TAAR9: variants seen among roughly 807,000 people sequenced by gnomAD.
TAAR9 encodes trace amine associated receptor 9, also known as trace amine-associated receptor 9.
For synonymous variants in TAAR9, 162 were observed against 152.6 expected (o/e 1.06, Z -0.45); for missense variants, 453 against 409.4 (o/e 1.11, Z -0.92).
chr6:132,538,479 C>T, exon 1 of TAAR9: 1 of 1,613,104 alleles, frequency 6.2e-7, no homozygotes, highest in Non-Finnish European at 8.5e-7. Context: ...CAAACAACTG[C>T]ACACACCTAC....
At chr6:132,538,628 A>C in exon 1 of TAAR9, 1 of 1,593,192 alleles carries the variant, frequency 6.3e-7, no homozygotes, top group East Asian at 2.2e-5. Flanking sequence ...GTTTTGACAC[A>C]TCCTTCTGTT....
At chr6:132,538,559 A>G in exon 1 of TAAR9, 1 of 1,599,046 alleles carries the variant, frequency 6.3e-7, no homozygotes, top group East Asian at 2.2e-5. Flanking sequence ...CCTTCAGCAC[A>G]GTGAGGTCTG....
At chr6:132,539,270 C>G (rs764199572) in exon 1 of TAAR9, 1 of 1,612,798 alleles carries the variant, frequency 6.2e-7, no homozygotes, top group Non-Finnish European at 8.5e-7. Flanking sequence ...TTATTGTAAG[C>G]GGCAAGGTCT....
At chr6:132,538,347 G>A (rs779965812) in exon 1 of TAAR9, 14 of 1,613,262 alleles carry the variant, frequency 8.7e-6, no homozygotes, top group Non-Finnish European at 1.2e-5. Flanking sequence ...GAACGTGAAC[G>A]AATCCTGCAT....
At chr6:132,538,579 G>T (rs1776252709) in exon 1 of TAAR9, 1 of 1,590,556 alleles carries the variant, frequency 6.3e-7, no homozygotes, top group Admixed American at 1.7e-5. Context: ...GTGGAGAGCT[G>T]TTGGTACTTT....
exon 1 of TAAR9, chr6:132,538,848 G>A: frequency 6.2e-7 from 1 of 1,613,694 alleles, no homozygotes; most frequent in Non-Finnish European, 8.5e-7. Context: ...TCTAACCTGT[G>A]TAGGAGGCTG....
rs765285152 is a variant in TAAR9, at chr6:132,538,517, T to G, written c.228T>G (p.Cys76Trp). The change falls in exon 1 of 1, where the codon TGT becomes TGG. Residue 76 changes from cysteine to tryptophan, a missense_variant. Transcript: ENST00000434551. ...ACTTTCTGATTGCGTCGCTGGCCTG[T>G]GCTGACTTCTTGGTGGGAGTCACTG... 3 of 1,612,864 alleles carry G rather than the reference T, an allele frequency of 1.9e-6. No homozygotes were observed. The Admixed American group carries it at 5.0e-5, about 27-fold the overall frequency.
In TAAR9 at chr6:132,538,394, C is replaced by T. The variant is rs572707893; in HGVS notation, c.105C>T (p.Leu35=). Residue 35 remains leucine, a synonymous_variant, in exon 1 of 1, where the codon CTC becomes CTT. Coordinates refer to ENST00000434551, the Ensembl canonical transcript of TAAR9. The stretch of plus-strand genomic sequence containing the variant: ...ACTCGCCAGGTCCTCGATCTATCCT[C>T]TACGCCGTCCTTGGTTTTGGGGCTG... The T allele has an allele frequency of 8.1e-6, 13 of 1,613,834 alleles. No homozygotes were observed. In the South Asian group the frequency reaches 1.4e-4, roughly 18 times the overall value.
At position 132,538,672 on chromosome 6, in the gene TAAR9, T is replaced by C. The variant is rs750126924; in HGVS notation, c.383T>C (p.Val128Ala). 1.4e-5 allele frequency: 22 copies of C among 1,611,248 alleles called. No homozygotes were observed. Among genetic ancestry groups the C allele is most frequent in the East Asian group, 1.3e-4 (6 of 44,880 alleles). The change falls in exon 1 of 1, where the codon GTT (valine) becomes GCT (alanine). Residue 128 changes from valine (V) to alanine (A), a missense_variant. Physicochemically the swap from Val to Ala is moderately conservative, Grantham distance 64 (BLOSUM62 0). Transcript: ENST00000434551. The stretch of plus-strand genomic sequence containing the variant: ...TTATTTCATTTATGCTGTATCTCTG[T>C]TGATAGATACATTGCTGTTACTGAT...
At position 132,538,778 on chromosome 6, in the gene TAAR9, C is replaced by A. The variant is rs756539303; in HGVS notation, c.489C>A (p.Tyr163Ter). Residue 163 changes from tyrosine to a stop codon, truncating the protein, a stop_gained, in exon 1 of 1, where the codon TAC becomes TAA. Transcript: ENST00000434551. LOFTEE classifies it low-confidence loss of function (END_TRUNC). ...TTTCCTGGTTCTTTTCTGTCACATA[C>A]AGCTTTTCGATCTTTTACACGGGAG... is the stretch of plus-strand genomic sequence containing the variant. 2.2e-5 allele frequency: 36 copies of A among 1,613,842 alleles called. No homozygotes were observed. The highest frequency in any genetic ancestry group is 3.1e-5 in the Non-Finnish European group (36 of 1,179,850).
chr6:132,539,168 T>C (rs748070048), exon 1 of TAAR9: 15 of 1,585,994 alleles, frequency 9.5e-6, no homozygotes, highest in Non-Finnish European at 1.3e-5. Flanking sequence ...CTTATGTTTA[T>C]GAGATTTTAG....
In TAAR9 at chr6:132,538,996, G is replaced by A. The variant is rs755209276; in HGVS notation, c.707G>A (p.Ser236Asn). Residue 236 changes from serine (S) to asparagine (N), a missense_variant, in exon 1 of 1, where the codon AGC becomes AAC. Ser to Asn is a conservative substitution (Grantham distance 46). Coordinates refer to ENST00000434551, the Ensembl canonical transcript of TAAR9. ...GCTAGGAAGATAGAAAGTACAGCCA[G>A]CCAAGCTCAGTCCTCCTCAGAGAGT... is the stretch of plus-strand genomic sequence containing the variant. 4.6e-6 allele frequency: 7 copies of A among 1,532,878 alleles called. No individual in the cohort carries two copies. In the East Asian group the frequency reaches 1.6e-4, roughly 35 times the overall value. The allele number at this position is 1,532,878 out of a possible 1,614,324, so 95.0% of individuals were successfully genotyped here.
exon 1 of TAAR9, chr6:132,538,359 A>G (rs1213581035): frequency 1.9e-6 from 3 of 1,613,632 alleles, no homozygotes; most frequent in South Asian, 1.1e-5. Flanking sequence ...ATCCTGCATT[A>G]AAACTCCTTA....
chr6:132,538,956 G>A, exon 1 of TAAR9: 1 of 1,551,024 alleles, frequency 6.4e-7, no homozygotes, highest in South Asian at 1.3e-5. Context: ...GATATTTTTG[G>A]TGGCCAAGCA....
exon 1 of TAAR9, chr6:132,538,595 C>T: frequency 2.5e-6 from 4 of 1,587,082 alleles, no homozygotes; most frequent in Non-Finnish European, 3.4e-6. Context: ...ACTTTGGGGA[C>T]AGTTACTGTA....
upstream of TAAR9, chr6:132,538,278 A>C: frequency 6.5e-7 from 1 of 1,542,206 alleles, no homozygotes; most frequent in Non-Finnish European, 8.7e-7. Context: ...AAATAGTTCA[A>C]ACAAGAAAGC....
exon 1 of TAAR9, chr6:132,538,417 C>T (rs766334221): frequency 1.2e-6 from 2 of 1,613,794 alleles, no homozygotes; most frequent in Admixed American, 3.3e-5. Context: ...GGTTTTGGGG[C>T]TGTGCTGGCA....
exon 1 of TAAR9, chr6:132,538,796 C>T: frequency 6.2e-7 from 1 of 1,613,862 alleles, no homozygotes; most frequent in Non-Finnish European, 8.5e-7. Flanking sequence ...CGATCTTTTA[C>T]ACGGGAGCCA....
chr6:132,539,169 G>A (rs1776260862), exon 1 of TAAR9: 2 of 1,588,944 alleles, frequency 1.3e-6, no homozygotes, highest in Non-Finnish European at 1.7e-6. Context: ...TTATGTTTAT[G>A]AGATTTTAGT....
Sources: gnomAD v4.1 joint callset for allele counts on GRCh38, gnomAD v4.1.1 for gene constraint, MANE v1.5 for transcripts, NCBI Gene and HGNC (gene_info 2026-07-23, HGNC 2026-07-21) for gene names.